The following PTPRD variants were observed in gnomAD, a reference collection of about 807,000 sequenced individuals.
PTPRD encodes protein tyrosine phosphatase receptor type D, also known as receptor-type tyrosine-protein phosphatase delta.
Under a neutral mutation model 214.5 loss-of-function variants are expected in PTPRD, and 34 were observed. The ratio of observed to expected loss-of-function variants is 0.16; its 90% CI spans 0.12 to 0.21. The LOEUF (loss-of-function observed/expected upper bound fraction) is 0.21. Ranked by LOEUF, PTPRD falls within the 10% of genes least tolerant of loss-of-function variation. PTPRD has a pLI of 1.00. For synonymous variants in PTPRD, 1,128 were observed against 845.7 expected (o/e 1.33, Z -5.79); for missense variants, 2,545 against 2,398.7 (o/e 1.06, Z -1.27).
chr9:9,839,087 C>T (rs1172905296), intron 5 of PTPRD, among the ~76,000 whole-genome samples: 6 of 152,046 alleles, frequency 3.9e-5, no homozygotes, highest in Non-Finnish European at 5.9e-5. Flanking sequence ...AGATATGCGG[C>T]GTTATTTTTG....
At chr9:10,171,452 G>A (rs928474908) in intron 3 of PTPRD, among the ~76,000 whole-genome samples, 3 of 152,034 alleles carry the variant, frequency 2.0e-5, no homozygotes, top group African/African-American at 7.2e-5. Flanking sequence ...GATTTGAGGC[G>A]TCCCCAGCCA....
intron 11 of PTPRD, among the ~76,000 whole-genome samples, chr9:8,759,996 G>A (rs1015118444): frequency 4.6e-5 from 7 of 152,138 alleles, no homozygotes; most frequent in Non-Finnish European, 1.0e-4. Context: ...TACTAATCAG[G>A]AGAAGATTAT....
intron 11 of PTPRD, among the ~76,000 whole-genome samples, chr9:8,852,585 A>G (rs187292652): frequency 3.9e-5 from 6 of 152,350 alleles, no homozygotes; most frequent in South Asian, 4.1e-4. Context: ...AGGGAAGAAC[A>G]TAAGTTGTCT....
At chr9:10,543,274 A>G (rs1193314159) in intron 2 of PTPRD, among the ~76,000 whole-genome samples, 1 of 152,130 alleles carries the variant, frequency 6.6e-6, no homozygotes, top group Non-Finnish European at 1.5e-5. Context: ...AATTTGTCTA[A>G]AGCAATTTAT....
At chr9:8,985,285 A>G (rs182750996) in intron 11 of PTPRD, among the ~76,000 whole-genome samples, 1 of 152,236 alleles carries the variant, frequency 6.6e-6, no homozygotes, top group African/African-American at 2.4e-5. Flanking sequence ...TGGCAGAACT[A>G]GATGATTGGA....
intron 11 of PTPRD, among the ~76,000 whole-genome samples, chr9:8,852,820 G>T (rs918599913): frequency 5.9e-5 from 9 of 152,146 alleles, no homozygotes; most frequent in African/African-American, 2.2e-4. Flanking sequence ...TAGGCCAACT[G>T]AGTAGTATTA....
In PTPRD at chr9:8,944,806, T is replaced by C. The variant is rs561231222; in HGVS notation, c.-104+73891A>G. Among the ~76,000 whole-genome samples, 3 of 147,476 alleles carry C rather than the reference T, an allele frequency of 2.0e-5. No homozygotes were observed. The South Asian group carries it at 6.5e-4, about 32-fold the overall frequency. ...TAATGGGTACAAAAATATACTTAGA[T>C]AGAATTAATAAGATCTAGTATTTGA... On this transcript the variant is annotated intron_variant, in intron 11 of 45. Coordinates refer to ENST00000381196, the MANE Select transcript of PTPRD (RefSeq NM_002839.4).
intron 11 of PTPRD, among the ~76,000 whole-genome samples, chr9:8,970,353 A>C (rs2099229580): frequency 6.6e-6 from 1 of 151,932 alleles, no homozygotes; most frequent in Non-Finnish European, 1.5e-5. Flanking sequence ...AGTTCTAAAT[A>C]ATCTCTGTTT....
intron 7 of PTPRD, among the ~76,000 whole-genome samples, chr9:9,700,459 C>T (rs2097475326): frequency 6.6e-6 from 1 of 151,996 alleles, no homozygotes; most frequent in Admixed American, 6.6e-5. Context: ...GTGTAAGGCA[C>T]TCTACATGGT....
intron 3 of PTPRD, among the ~76,000 whole-genome samples, chr9:10,313,512 C>G (rs1437252289): frequency 6.6e-6 from 1 of 151,872 alleles, no homozygotes; most frequent in Admixed American, 6.6e-5. Context: ...TATCAATTAT[C>G]ATAGGATTTC....
rs1254510032 is a variant in PTPRD, at chr9:9,093,214, A to C, written c.-142-74479T>G. Reference sequence around the variant, plus strand: ...AACTAATAGAACTAAAAGGAGAATTAAGCAAATCCATAATTATAGTTAGAG... The same window carrying C: ...AACTAATAGAACTAAAAGGAGAATTCAGCAAATCCATAATTATAGTTAGAG... On this transcript the variant is annotated intron_variant, in intron 10 of 45. Transcript: ENST00000381196. 3.3e-5 allele frequency among the ~76,000 whole-genome samples: 5 copies of C among 152,230 alleles called. No homozygotes were observed. In the East Asian group the frequency reaches 9.7e-4, roughly 29 times the overall value.
At chr9:9,134,058 C>CTTTTTTTTTTTTTT (rs928663989) in intron 10 of PTPRD, among the ~76,000 whole-genome samples, 2 of 75,422 alleles carry the variant, frequency 2.7e-5, no homozygotes, top group African/African-American at 5.5e-5. Context: ...TAGAATCATT[C>CTTTTTTTTTTTTTT]TTTTTTTTTT....
chr9:10,140,297 G>T (rs1255373111), intron 3 of PTPRD, among the ~76,000 whole-genome samples: 2 of 150,882 alleles, frequency 1.3e-5, no homozygotes, highest in Non-Finnish European at 2.9e-5. Context: ...CTTCTCAAAA[G>T]AAGACATACA....
intron 10 of PTPRD, among the ~76,000 whole-genome samples, chr9:9,146,401 ACTT>A (rs2099868671): frequency 6.6e-6 from 1 of 152,100 alleles, no homozygotes; most frequent in Non-Finnish European, 1.5e-5. Context: ...GGGGCCCTAG[ACTT>A]CTTCAATTAG....
intron 2 of PTPRD, among the ~76,000 whole-genome samples, chr9:10,447,654 G>T (rs2098809006): frequency 6.6e-6 from 1 of 151,860 alleles, no homozygotes; most frequent in Non-Finnish European, 1.5e-5. Flanking sequence ...CAGGAATACA[G>T]AAAGAAAAAT....
At chr9:8,820,350 C>G (rs7848070) in intron 11 of PTPRD, among the ~76,000 whole-genome samples, 20,041 of 151,946 alleles carry the variant, frequency 0.13, 3,901 homozygotes, top group African/African-American at 0.43. Context: ...ATCTTTTCAA[C>G]CTAAATTTAA....
intron 5 of PTPRD, among the ~76,000 whole-genome samples, chr9:9,904,322 T>C (rs1244048588): frequency 2.6e-5 from 4 of 152,086 alleles, no homozygotes; most frequent in Non-Finnish European, 5.9e-5. Context: ...ACTACCAAAA[T>C]ATGACAATTA....
chr9:8,358,357 TACTG>T (rs570435978), intron 39 of PTPRD, among the ~76,000 whole-genome samples: 30 of 152,298 alleles, frequency 2.0e-4, no homozygotes, highest in Non-Finnish European at 2.8e-4. Context: ...GAGTTGATGA[TACTG>T]ACTATTTTGT....
rs146161065 is a variant in PTPRD, at chr9:8,633,261, A to C, written c.352+56T>G. 2.1e-4 allele frequency: 332 copies of C among 1,577,788 alleles called. 4 individuals carry two copies. In the African/African-American group the frequency reaches 4.2e-3, roughly 20 times the overall value. On this transcript the variant is annotated intron_variant, in intron 14 of 45. Coordinates refer to ENST00000381196, the MANE Select transcript of PTPRD (RefSeq NM_002839.4). ...GCTAGTCTTTTCAATGATGCTACAA[A>C]AGAGATACAGAATTGTAACAATGAC...
Sources: allele counts gnomAD v4.1 joint callset (sites outside exome capture counted in the v4.1 genomes callset), GRCh38; gene constraint gnomAD v4.1.1; transcripts MANE v1.5; gene names NCBI Gene and HGNC (gene_info 2026-07-23, HGNC 2026-07-21).